The following EYS variants were observed in gnomAD, a reference collection of about 807,000 sequenced individuals.
EYS encodes the protein protein eyes shut homolog.
EYS carries 250 observed loss-of-function variants against 282.1 expected under a neutral mutation model. The observed-to-expected ratio is 0.89, with a 90% confidence interval of 0.80 to 0.98. The LOEUF (loss-of-function observed/expected upper bound fraction) is 0.98. EYS is among the 50% of genes least tolerant of loss of function. The pLI, the probability that EYS is intolerant of heterozygous loss-of-function variation, is 0.00. For missense variants in EYS, 4,016 were observed against 3,709.0 expected (o/e 1.08, Z -2.15); for synonymous variants, 1,355 against 1,282.9 (o/e 1.06, Z -1.20).
At chr6:65,219,676 C>T (rs561993723) in intron 12 of EYS, among the ~76,000 whole-genome samples, 1 of 152,004 alleles carries the variant, frequency 6.6e-6, no homozygotes, top group South Asian at 2.1e-4. Context: ...TATTAGTCTG[C>T]TCTCATGCTG....
intron 31 of EYS, among the ~76,000 whole-genome samples, chr6:64,096,662 T>C (rs548184555): frequency 3.3e-5 from 5 of 152,334 alleles, no homozygotes; most frequent in South Asian, 2.1e-4. Flanking sequence ...CTAATTTTTT[T>C]CCAAGGTTGT....
At chr6:63,839,635 C>A (rs889366907) in intron 36 of EYS, among the ~76,000 whole-genome samples, 1 of 152,156 alleles carries the variant, frequency 6.6e-6, no homozygotes, top group Admixed American at 6.5e-5. Flanking sequence ...AGGTATGAGT[C>A]ACAGTGCCCA....
Position 64,650,424 on chromosome 6 carries a change from C to T in EYS, c.3444-24179G>A, listed in dbSNP as rs563989679. 2.1e-4 allele frequency among the ~76,000 whole-genome samples: 32 copies of T among 151,890 alleles called. 2 individuals are homozygous for T. In the South Asian group the frequency reaches 6.6e-3, roughly 32 times the overall value. ...AGTAGAAAACTTTTAGCCAGTGTGA[C>T]TAAAAACAAAGAGAAACCCCAAAAA... On this transcript the variant is annotated intron_variant, in intron 22 of 42. Coordinates refer to ENST00000503581, the MANE Select transcript of EYS (RefSeq NM_001142800.2).
At chr6:65,141,094 A>G (rs1176552816) in intron 12 of EYS, among the ~76,000 whole-genome samples, 6 of 151,882 alleles carry the variant, frequency 4.0e-5, no homozygotes, top group Admixed American at 3.9e-4. Flanking sequence ...AACCAACCCA[A>G]ATGTCCAACA....
intron 33 of EYS, among the ~76,000 whole-genome samples, chr6:64,054,016 A>G (rs1324203672): frequency 1.3e-5 from 2 of 152,192 alleles, no homozygotes; most frequent in Non-Finnish European, 2.9e-5. Context: ...TCTTCTGACT[A>G]TAACATTTCA....
chr6:64,823,190 A>G (rs1345816711), intron 19 of EYS, among the ~76,000 whole-genome samples: 1 of 151,856 alleles, frequency 6.6e-6, no homozygotes, highest in Non-Finnish European at 1.5e-5. Context: ...TACCTACAAG[A>G]ATTAAGAATG....
chr6:64,825,879 A>G (rs1363763232), intron 19 of EYS, among the ~76,000 whole-genome samples: 1 of 150,986 alleles, frequency 6.6e-6, no homozygotes, highest in African/African-American at 2.4e-5. Flanking sequence ...ACTGTAGCAT[A>G]GTAGAGAGAT....
At chr6:63,992,956 C>T (rs548141702) in intron 34 of EYS, among the ~76,000 whole-genome samples, 7 of 151,680 alleles carry the variant, frequency 4.6e-5, no homozygotes, top group Non-Finnish European at 1.0e-4. Context: ...CTTGTGAAAG[C>T]GGCAGTTCGC....
intron 4 of EYS, among the ~76,000 whole-genome samples, chr6:65,492,263 A>C (rs1766073732): frequency 6.6e-6 from 1 of 152,144 alleles, no homozygotes; most frequent in Non-Finnish European, 1.5e-5. Context: ...TATAGTGCTC[A>C]AAGCTTAACG....
chr6:65,321,932 C>T (rs1769487039), intron 11 of EYS, among the ~76,000 whole-genome samples: 1 of 152,182 alleles, frequency 6.6e-6, no homozygotes, highest in African/African-American at 2.4e-5. Flanking sequence ...AGGCAAGTCA[C>T]TTAAACCTTC....
intron 22 of EYS, among the ~76,000 whole-genome samples, chr6:64,629,019 T>C (rs1767696842): frequency 6.6e-6 from 1 of 152,212 alleles, no homozygotes; most frequent in South Asian, 2.1e-4. Context: ...TTAGCTTTTA[T>C]CTAATGTCTT....
rs983851499 is a variant in EYS, at chr6:65,057,665, A to T, written c.2086T>A (p.Cys696Ser). 5.8e-6 allele frequency: 9 copies of T among 1,551,170 alleles called. No individual in the cohort carries two copies. Among genetic ancestry groups the T allele is most frequent in the African/African-American group, 1.4e-5 (1 of 73,028 alleles). ...AAGTAATTACCAGGTTGGTCAATGCAGGTGGCTCCATTTTTGCAGGGATGT... is the reference window on the plus strand; with the variant it reads ...AAGTAATTACCAGGTTGGTCAATGCTGGTGGCTCCATTTTTGCAGGGATGT... ...ASHPCKNGAT[C>S]IDQPGNYFCQ... Residue 696 changes from cysteine to serine, a missense_variant, in exon 13 of 43, where the codon TGC becomes AGC. Cys to Ser is a moderately radical substitution (Grantham distance 112). Transcript: ENST00000503581.
chr6:64,997,194 A>G (rs62416484), intron 14 of EYS, among the ~76,000 whole-genome samples: 21,050 of 152,168 alleles, frequency 0.14, 1,559 homozygotes, highest in East Asian at 0.23. Context: ...AGTGAAATGT[A>G]AGATAATGAT....
At chr6:64,820,372 GATATTTTA>G (rs1764864671) in intron 21 of EYS, among the ~76,000 whole-genome samples, 1 of 151,956 alleles carries the variant, frequency 6.6e-6, no homozygotes, top group Admixed American at 6.6e-5. Context: ...TCTATTTACT[GATATTTTA>G]ATACAAAACT....
intron 31 of EYS, among the ~76,000 whole-genome samples, chr6:64,225,199 A>G (rs1200299527): frequency 6.6e-6 from 1 of 151,928 alleles, no homozygotes; most frequent in Non-Finnish European, 1.5e-5. Flanking sequence ...CCTCAATTTG[A>G]TGAACACTAG....
chr6:64,897,893 A>T lies in EYS; in HGVS notation c.2846+4220T>A, dbSNP rs531064534. On this transcript the variant is annotated intron_variant, in intron 18 of 42. Transcript: ENST00000503581. ...CAACTTAGTGAAATAAAGCAAGAAGACAAGATTAGAGAAAAAAGAATGAAA... is the reference window on the plus strand; with the variant it reads ...CAACTTAGTGAAATAAAGCAAGAAGTCAAGATTAGAGAAAAAAGAATGAAA... 7.2e-5 allele frequency among the ~76,000 whole-genome samples: 11 copies of T among 152,336 alleles called. No homozygotes were observed. The East Asian group carries it at 1.9e-3, about 27-fold the overall frequency.
chr6:65,043,442 G>T (rs1772999648), intron 13 of EYS, among the ~76,000 whole-genome samples: 1 of 151,370 alleles, frequency 6.6e-6, no homozygotes. Flanking sequence ...GTAATCTAAA[G>T]TACTTTATTA....
intron 33 of EYS, among the ~76,000 whole-genome samples, chr6:64,056,919 C>T (rs1300217438): frequency 6.6e-6 from 1 of 152,114 alleles, no homozygotes. Context: ...ATCTTTGTAA[C>T]ATTTTGTCTT....
intron 12 of EYS, among the ~76,000 whole-genome samples, chr6:65,204,881 C>T (rs369138262): frequency 2.9e-5 from 4 of 139,344 alleles, no homozygotes; most frequent in South Asian, 2.3e-4. Context: ...TCTGGAAGAA[C>T]GTATTTATAT....
Sources: allele counts gnomAD v4.1 joint callset (sites outside exome capture counted in the v4.1 genomes callset), GRCh38; gene constraint gnomAD v4.1.1; transcripts MANE v1.5; gene names NCBI Gene and HGNC (gene_info 2026-07-23, HGNC 2026-07-21).